The following IMMP2L variants were observed in gnomAD, a reference collection of about 807,000 sequenced individuals.
IMMP2L encodes mitochondrial inner membrane protease subunit 2.
A neutral mutation model predicts 19.3 loss-of-function variants in IMMP2L; 18 were observed. The observed-to-expected ratio is 0.93, with a 90% CI of 0.64 to 1.38. IMMP2L has a LOEUF of 1.38. Ranked by LOEUF, IMMP2L falls within the 40% of genes most tolerant of loss-of-function variation. IMMP2L has a pLI of 0.00. For missense variants in IMMP2L, 233 were observed against 218.2 expected, an observed-to-expected ratio of 1.07 and a Z score of -0.43; for synonymous variants, 76 against 73.0, an observed-to-expected ratio of 1.04 and a Z score of -0.21.
chr7:110,768,516 C>T (rs989911472), intron 5 of IMMP2L, among the ~76,000 whole-genome samples: 2 of 152,078 alleles, frequency 1.3e-5, no homozygotes, highest in Middle Eastern at 3.4e-3. Context: ...CTTCACTTCC[C>T]ACTCTCTCCT....
chr7:111,317,279 G>A (rs1167849373), intron 3 of IMMP2L, among the ~76,000 whole-genome samples: 1 of 152,060 alleles, frequency 6.6e-6, no homozygotes, highest in African/African-American at 2.4e-5. Flanking sequence ...ACAACACAAA[G>A]TTCAACAACA....
chr7:111,375,162 C>T (rs1013940835), intron 3 of IMMP2L, among the ~76,000 whole-genome samples: 2 of 151,910 alleles, frequency 1.3e-5, no homozygotes, highest in African/African-American at 2.4e-5. Context: ...ACACTGATGC[C>T]GTATTTGCCA....
chr7:111,504,221 A>G (rs979110116), intron 2 of IMMP2L, among the ~76,000 whole-genome samples: 1 of 152,178 alleles, frequency 6.6e-6, no homozygotes, highest in African/African-American at 2.4e-5. Flanking sequence ...ACCATTCACA[A>G]TTGCTTCAAA....
rs766473298 is a variant in IMMP2L at position 111,419,926 on chromosome 7, G to A, written c.239+67312C>T. Among the ~76,000 whole-genome samples the A allele has an allele frequency of 2.6e-5, 4 of 151,834 alleles. 1 individual carries two copies. The highest frequency in any genetic ancestry group is 1.3e-4 in the Admixed American group (2 of 15,264). ...GTTTCCAGACACTGGAAGTAGTGGA[G>A]AAGTGTTACATAGTTATTGCTTAAT... On this transcript the variant is annotated intron_variant, in intron 3 of 5. Coordinates refer to ENST00000405709, the MANE Select transcript of IMMP2L (RefSeq NM_032549.4).
intron 3 of IMMP2L, among the ~76,000 whole-genome samples, chr7:111,445,804 T>C (rs1367099087): frequency 2.6e-5 from 4 of 152,200 alleles, no homozygotes; most frequent in African/African-American, 7.2e-5. Context: ...ACCGGGTTCA[T>C]CTCACTAGGG....
intron 4 of IMMP2L, among the ~76,000 whole-genome samples, chr7:110,931,986 C>T (rs35939355): frequency 6.6e-6 from 1 of 152,122 alleles, no homozygotes; most frequent in Admixed American, 6.6e-5. Context: ...TAGCCTGGGT[C>T]GACTTCCCTG....
intron 3 of IMMP2L, among the ~76,000 whole-genome samples, chr7:111,133,743 G>A (rs563196345): frequency 2.6e-5 from 4 of 151,966 alleles, no homozygotes; most frequent in African/African-American, 4.8e-5. Flanking sequence ...ATGAGAAGAC[G>A]TGGGAAATAA....
intron 5 of IMMP2L, among the ~76,000 whole-genome samples, chr7:110,859,039 A>G (rs971144074): frequency 5.9e-5 from 9 of 152,098 alleles, no homozygotes; most frequent in African/African-American, 2.2e-4. Context: ...GATAACCCCA[A>G]ACAGATAAGC....
intron 5 of IMMP2L, among the ~76,000 whole-genome samples, chr7:110,824,180 C>A (rs1352643662): frequency 6.6e-6 from 1 of 151,824 alleles, no homozygotes; most frequent in African/African-American, 2.4e-5. Flanking sequence ...TTAAACAAGA[C>A]AAAAAATGGA....
chr7:110,671,444 G>A (rs1468752105), intron 5 of IMMP2L, among the ~76,000 whole-genome samples: 2 of 151,966 alleles, frequency 1.3e-5, no homozygotes, highest in African/African-American at 2.4e-5. Context: ...AGCAATCTCT[G>A]TTTTAGGAAA....
At chr7:110,806,267 A>G (rs1164086786) in intron 5 of IMMP2L, among the ~76,000 whole-genome samples, 1 of 10,994 alleles carries the variant, frequency 9.1e-5, no homozygotes, top group African/African-American at 2.4e-4. Flanking sequence ...TCTTTTCTGC[A>G]TAATTTTGGA....
chr7:111,424,072 T>C (rs902965075), intron 3 of IMMP2L, among the ~76,000 whole-genome samples: 1 of 151,894 alleles, frequency 6.6e-6, no homozygotes, highest in African/African-American at 2.4e-5. Flanking sequence ...TTATCACGTA[T>C]ACCAACATGC....
chr7:111,201,570 T>C (rs572129218), intron 3 of IMMP2L, among the ~76,000 whole-genome samples: 257 of 151,894 alleles, frequency 1.7e-3, no homozygotes, highest in African/African-American at 5.1e-3. Flanking sequence ...ACAAAAAATT[T>C]GCTAGGCATG....
At chr7:110,696,977 G>A (rs548411402) in intron 5 of IMMP2L, among the ~76,000 whole-genome samples, 1 of 152,256 alleles carries the variant, frequency 6.6e-6, no homozygotes, top group African/African-American at 2.4e-5. Context: ...AGAAGTGCAG[G>A]AGACATCCTT....
chr7:111,268,585 T>C lies in IMMP2L; in HGVS notation c.239+218653A>G, dbSNP rs1332805503. Among the ~76,000 whole-genome samples, 3 of 33,650 alleles carry C rather than the reference T, an allele frequency of 8.9e-5. 1 individual carries two copies. The highest frequency in any genetic ancestry group is 2.8e-4 in the African/African-American group (3 of 10,740). 22.1% of individuals were successfully genotyped at this position (33,650 alleles called of 152,430 possible). A position where few individuals can be genotyped will look rare whatever the true frequency, so the allele number is the denominator to read the frequency against. Reference sequence around the variant, plus strand: ...CACATTTCTCTTTTTTTTTTTTTTTTTTTTTTTTTTTTTTTTTTTTTTTTT... The same window carrying C: ...CACATTTCTCTTTTTTTTTTTTTTTCTTTTTTTTTTTTTTTTTTTTTTTTT... On this transcript the variant is annotated intron_variant, in intron 3 of 5. Transcript: ENST00000405709.
chr7:110,786,996 T>G (rs1224957771), intron 5 of IMMP2L, among the ~76,000 whole-genome samples: 1 of 152,036 alleles, frequency 6.6e-6, no homozygotes, highest in African/African-American at 2.4e-5. Context: ...AATAGTATTC[T>G]TTTCTTGCTG....
intron 5 of IMMP2L, among the ~76,000 whole-genome samples, chr7:110,784,721 CT>C: frequency 6.6e-6 from 1 of 151,972 alleles, no homozygotes; most frequent in Admixed American, 6.6e-5. Context: ...TTGGAAAGCT[CT>C]TTTGAAAATC....
intron 4 of IMMP2L, among the ~76,000 whole-genome samples, chr7:110,903,002 G>A (rs1439388167): frequency 6.6e-6 from 1 of 151,564 alleles, no homozygotes; most frequent in African/African-American, 2.4e-5. Flanking sequence ...TCTGAAGGGT[G>A]TTAATAAAAA....
At chr7:110,785,961 AT>A (rs1188751791) in intron 5 of IMMP2L, among the ~76,000 whole-genome samples, 1 of 151,820 alleles carries the variant, frequency 6.6e-6, no homozygotes, top group African/African-American at 2.4e-5. Flanking sequence ...TATCTTAAGG[AT>A]CTTTCGTATT....
Sources: gnomAD v4.1 joint callset for allele counts (sites outside exome capture counted in the v4.1 genomes callset) on GRCh38, gnomAD v4.1.1 for gene constraint, MANE v1.5 for transcripts, NCBI Gene and HGNC (gene_info 2026-07-23, HGNC 2026-07-21) for gene names.